Variants in NRXN1 observed in about 807,000 individuals in gnomAD.
NRXN1 encodes neurexin-1.
A neutral mutation model predicts 150.9 loss-of-function variants in NRXN1; 39 were observed. The ratio of observed to expected loss-of-function variants is 0.26; its 90% confidence interval spans 0.20 to 0.34. The LOEUF (loss-of-function observed/expected upper bound fraction) is 0.34. Ranked by LOEUF, NRXN1 falls within the 10% of genes least tolerant of loss-of-function variation. NRXN1 has a pLI of 1.00. For synonymous variants in NRXN1, 924 were observed against 757.0 expected, an observed-to-expected ratio of 1.22 and a Z score of -3.62; for missense variants, 1,815 against 1,949.9, an observed-to-expected ratio of 0.93 and a Z score of 1.30.
rs562285319 is a variant in NRXN1 at position 49,951,453 on chromosome 2, A to G, written c.4129-7662T>C. Among the ~76,000 whole-genome samples, 26 of 152,090 alleles carry G rather than the reference A, an allele frequency of 1.7e-4. No homozygotes were observed. The Middle Eastern group carries it at 0.017, about 99-fold the overall frequency. ...CAAAATAAATTAATATGAAATTTAAACTTTCAGGAAGCCATGGAACAACCT... is the reference window on the plus strand; with the variant it reads ...CAAAATAAATTAATATGAAATTTAAGCTTTCAGGAAGCCATGGAACAACCT... On this transcript the variant is annotated intron_variant, in intron 21 of 22. Transcript: ENST00000401669.
intron 21 of NRXN1, among the ~76,000 whole-genome samples, chr2:50,017,778 G>C (rs1199837070): frequency 1.3e-5 from 2 of 150,582 alleles, no homozygotes; most frequent in Non-Finnish European, 2.9e-5. Flanking sequence ...TAAATATATA[G>C]TAGACAGCAA....
intron 18 of NRXN1, among the ~76,000 whole-genome samples, chr2:50,119,592 T>G (rs1703576378): frequency 6.6e-6 from 1 of 151,510 alleles, no homozygotes; most frequent in African/African-American, 2.4e-5. Context: ...ATCATTTGAA[T>G]GTAATATGTG....
At chr2:50,048,684 A>T (rs911835074) in intron 21 of NRXN1, among the ~76,000 whole-genome samples, 2 of 152,162 alleles carry the variant, frequency 1.3e-5, no homozygotes, top group African/African-American at 4.8e-5. Flanking sequence ...CTGGGAATCA[A>T]ATGCTACTGA....
At chr2:50,023,872 C>A (rs184204918) in intron 21 of NRXN1, 19 of 152,288 alleles carry the variant, frequency 1.2e-4, no homozygotes, top group Admixed American at 8.5e-4. Context: ...TCAACCAGTT[C>A]ATGTATGCCA....
chr2:50,481,490 G>GT (rs2090453506), intron 15 of NRXN1, among the ~76,000 whole-genome samples: 1 of 152,086 alleles, frequency 6.6e-6, no homozygotes, highest in Admixed American at 6.5e-5. Flanking sequence ...TTATCAAAAT[G>GT]TTTTTTACCA....
chr2:50,957,832 A>G (rs1037012633), intron 2 of NRXN1, among the ~76,000 whole-genome samples: 17 of 152,164 alleles, frequency 1.1e-4, no homozygotes, highest in Admixed American at 6.6e-5. Context: ...AAAACAATTC[A>G]TAAGTTAAGC....
chr2:50,251,212 G>A (rs985395590), intron 17 of NRXN1, among the ~76,000 whole-genome samples: 10 of 151,938 alleles, frequency 6.6e-5, no homozygotes, highest in African/African-American at 2.4e-4. Context: ...CACCACTGTG[G>A]TGAGCTCCCC....
At chr2:50,381,536 CACA>C (rs2080967592) in intron 17 of NRXN1, among the ~76,000 whole-genome samples, 2 of 146,090 alleles carry the variant, frequency 1.4e-5, no homozygotes, top group African/African-American at 2.5e-5. Flanking sequence ...CACACACACA[CACA>C]CACACACACA....
intron 19 of NRXN1, among the ~76,000 whole-genome samples, chr2:50,078,937 T>C (rs910055614): frequency 1.3e-5 from 2 of 152,064 alleles, no homozygotes; most frequent in African/African-American, 4.8e-5. Context: ...TTCGCACTTA[T>C]TTTGGTATCT....
intron 5 of NRXN1, among the ~76,000 whole-genome samples, chr2:50,729,674 C>G (rs147908963): frequency 1.3e-3 from 199 of 152,324 alleles, no homozygotes; most frequent in African/African-American, 4.7e-3. Context: ...CATCAGCACT[C>G]TTCACCCTCT....
chr2:50,761,048 T>C (rs1420340289), intron 5 of NRXN1, among the ~76,000 whole-genome samples: 2 of 152,010 alleles, frequency 1.3e-5, no homozygotes, highest in Non-Finnish European at 2.9e-5. Context: ...GGCCTAATTC[T>C]GTCAAGCCCT....
At chr2:50,067,947 TC>T (rs1236380269) in intron 19 of NRXN1, among the ~76,000 whole-genome samples, 2 of 152,188 alleles carry the variant, frequency 1.3e-5, no homozygotes, top group Non-Finnish European at 2.9e-5. Context: ...ATTTCTACAC[TC>T]CATTATCAGT....
chr2:50,019,407 G>A (rs1316004422), intron 21 of NRXN1: 2 of 444,722 alleles, frequency 4.5e-6, no homozygotes, highest in Non-Finnish European at 9.2e-6. Context: ...CACTTTGGGA[G>A]GCCGAGGTGG....
chr2:50,880,711 C>T (rs1679307513), intron 5 of NRXN1, among the ~76,000 whole-genome samples: 2 of 152,076 alleles, frequency 1.3e-5, no homozygotes, highest in Middle Eastern at 3.4e-3. Context: ...GAATTTCCTT[C>T]CTAGACATAA....
At chr2:50,481,760 CTTT>C (rs758265489) in intron 15 of NRXN1, among the ~76,000 whole-genome samples, 1 of 82,956 alleles carries the variant, frequency 1.2e-5, no homozygotes, top group Non-Finnish European at 2.0e-5. Context: ...ACTTTTGTTT[CTTT>C]TTTTTTTTTT....
intron 17 of NRXN1, among the ~76,000 whole-genome samples, chr2:50,259,596 C>T (rs1306386249): frequency 2.6e-5 from 4 of 151,670 alleles, no homozygotes; most frequent in Non-Finnish European, 5.9e-5. Flanking sequence ...AGATTTTTGC[C>T]AAACTCAAAG....
At chr2:50,974,621 G>A (rs541509880) in intron 2 of NRXN1, among the ~76,000 whole-genome samples, 1 of 151,980 alleles carries the variant, frequency 6.6e-6, no homozygotes, top group Non-Finnish European at 1.5e-5. Context: ...CTTTATATTT[G>A]TGGCATTATC....
chr2:50,619,857 A>G, intron 8 of NRXN1, 165 bp downstream of exon 8: 1 of 524,274 alleles, frequency 1.9e-6, no homozygotes, highest in Non-Finnish European at 3.3e-6. Context: ...ATGATCTATG[A>G]GCTGTTTCCC....
At chr2:50,325,333 A>G (rs1056289220) in intron 17 of NRXN1, among the ~76,000 whole-genome samples, 11 of 152,210 alleles carry the variant, frequency 7.2e-5, no homozygotes, top group Admixed American at 5.9e-4. Context: ...ATTGGTGGTC[A>G]CTGGAAGGGA....
Sources: gnomAD v4.1 joint callset for allele counts (sites outside exome capture counted in the v4.1 genomes callset) on GRCh38, gnomAD v4.1.1 for gene constraint, MANE v1.5 for transcripts, NCBI Gene and HGNC (gene_info 2026-07-23, HGNC 2026-07-21) for gene names.